Variants in KCNMB2 observed in about 807,000 individuals in gnomAD.
KCNMB2 encodes calcium-activated potassium channel subunit beta-2.
A neutral mutation model predicts 24.5 loss-of-function variants in KCNMB2; 9 were observed. That is an observed-to-expected ratio of 0.37 (90% confidence interval 0.22 to 0.64). The LOEUF (loss-of-function observed/expected upper bound fraction) is 0.64, where lower values mean the gene tolerates loss of function less well. Ranked by LOEUF, KCNMB2 falls within the 30% of genes least tolerant of loss-of-function variation. KCNMB2 has a pLI of 0.63. For missense variants in KCNMB2, 226 were observed against 284.3 expected (o/e 0.79, Z 1.47); for synonymous variants, 109 against 104.4 (o/e 1.04, Z -0.27).
chr3:178,825,050 C>A (rs1483814245), intron 2 of KCNMB2, among the ~76,000 whole-genome samples: 3 of 152,206 alleles, frequency 2.0e-5, no homozygotes, highest in East Asian at 1.9e-4. Flanking sequence ...CTCAAGCCAA[C>A]AAAGCCCTAA....
intron 1 of KCNMB2, among the ~76,000 whole-genome samples, chr3:178,560,579 C>T (rs1374004742): frequency 2.0e-5 from 3 of 152,228 alleles, no homozygotes; most frequent in Non-Finnish European, 4.4e-5. Flanking sequence ...AGTAGTCAGC[C>T]AATCAATGAA....
intron 1 of KCNMB2, among the ~76,000 whole-genome samples, chr3:178,806,295 G>A (rs985366372): frequency 6.6e-5 from 10 of 152,170 alleles, no homozygotes; most frequent in Non-Finnish European, 1.3e-4. Context: ...CCACCTTGCA[G>A]AGTTTTCATT....
At chr3:178,746,288 T>A (rs1056312646) in intron 1 of KCNMB2, among the ~76,000 whole-genome samples, 41 of 152,190 alleles carry the variant, frequency 2.7e-4, no homozygotes, top group African/African-American at 9.9e-4. Context: ...GCTTGAGGCT[T>A]GCACCCTCTG....
chr3:178,840,448 C>G (rs1395231027), intron 4 of KCNMB2, among the ~76,000 whole-genome samples: 2 of 152,218 alleles, frequency 1.3e-5, no homozygotes, highest in Non-Finnish European at 2.9e-5. Flanking sequence ...AGTGGGGATT[C>G]TGTGTGGGAA....
chr3:178,819,587 C>G (rs1714547382), intron 2 of KCNMB2, among the ~76,000 whole-genome samples: 2 of 152,066 alleles, frequency 1.3e-5, no homozygotes. Flanking sequence ...GTGTGTCCCC[C>G]TCTCTAGGTC....
chr3:178,797,812 G>A (rs1276890373), intron 1 of KCNMB2, among the ~76,000 whole-genome samples: 3 of 152,150 alleles, frequency 2.0e-5, no homozygotes, highest in East Asian at 3.8e-4. Flanking sequence ...TGATTTCCTT[G>A]AGCAGTGGTT....
chr3:178,774,135 G>A (rs1033235301), intron 1 of KCNMB2, among the ~76,000 whole-genome samples: 1 of 152,036 alleles, frequency 6.6e-6, no homozygotes, highest in Non-Finnish European at 1.5e-5. Context: ...CTAAGCCCAC[G>A]AACATGGGCT....
At chr3:178,656,445 A>G (rs1720346510) in intron 1 of KCNMB2, among the ~76,000 whole-genome samples, 1 of 152,186 alleles carries the variant, frequency 6.6e-6, no homozygotes, top group African/African-American at 2.4e-5. Flanking sequence ...GTAATAGCAA[A>G]GGTAACAGGG....
At chr3:178,805,283 A>G (rs1220979496) in intron 1 of KCNMB2, among the ~76,000 whole-genome samples, 6 of 152,240 alleles carry the variant, frequency 3.9e-5, no homozygotes, top group Non-Finnish European at 5.9e-5. Flanking sequence ...AATCCCAGAA[A>G]GTAAATACAC....
intron 1 of KCNMB2, among the ~76,000 whole-genome samples, chr3:178,687,091 A>G (rs1560166762): frequency 1.3e-5 from 2 of 152,154 alleles, no homozygotes; most frequent in African/African-American, 4.8e-5. Flanking sequence ...AGGGGTGGCT[A>G]AGGATAACAA....
At chr3:178,660,936 C>T (rs1720503124) in intron 1 of KCNMB2, among the ~76,000 whole-genome samples, 1 of 151,926 alleles carries the variant, frequency 6.6e-6, no homozygotes, top group African/African-American at 2.4e-5. Flanking sequence ...CATTATATTG[C>T]CCCTTCATGA....
intron 1 of KCNMB2, among the ~76,000 whole-genome samples, chr3:178,614,992 C>T (rs987100482): frequency 3.9e-5 from 6 of 152,180 alleles, no homozygotes; most frequent in East Asian, 1.9e-4. Flanking sequence ...CACCACAAGA[C>T]GAGTAATGCT....
chr3:178,670,026 A>G (rs543636477), intron 1 of KCNMB2, among the ~76,000 whole-genome samples: 158 of 152,206 alleles, frequency 1.0e-3, no homozygotes, highest in Middle Eastern at 6.8e-3. Flanking sequence ...ATATTGATTG[A>G]TTTGCGAGAA....
chr3:178,576,176 TG>T (rs1716981548), intron 1 of KCNMB2, among the ~76,000 whole-genome samples: 1 of 151,518 alleles, frequency 6.6e-6, no homozygotes, highest in South Asian at 2.1e-4. Context: ...GGTTAGATAG[TG>T]GGTGCAGCCC....
At chr3:178,559,657 C>A in intron 1 of KCNMB2, among the ~76,000 whole-genome samples, 1 of 146,164 alleles carries the variant, frequency 6.8e-6, no homozygotes, top group Non-Finnish European at 1.5e-5. Flanking sequence ...TATTATTTTC[C>A]AGGACCCTTT....
At chr3:178,796,463 T>C (rs1577195357) in intron 1 of KCNMB2, among the ~76,000 whole-genome samples, 1 of 152,308 alleles carries the variant, frequency 6.6e-6, no homozygotes, top group Non-Finnish European at 1.5e-5. Context: ...ATTCTTCTCC[T>C]CGGCACATGC....
At chr3:178,582,541 C>T (rs1717254862) in intron 1 of KCNMB2, among the ~76,000 whole-genome samples, 1 of 152,012 alleles carries the variant, frequency 6.6e-6, no homozygotes, top group South Asian at 2.1e-4. Context: ...AGGAGCATAA[C>T]AAATATTTTA....
chr3:178,835,656 C>T (rs950591287), intron 4 of KCNMB2, among the ~76,000 whole-genome samples: 1 of 151,718 alleles, frequency 6.6e-6, no homozygotes, highest in African/African-American at 2.4e-5. Context: ...GTTCCATTGA[C>T]TTTGGAACTA....
chr3:178,718,177 A>G (rs1472438874), intron 1 of KCNMB2, among the ~76,000 whole-genome samples: 1 of 152,236 alleles, frequency 6.6e-6, no homozygotes, highest in Non-Finnish European at 1.5e-5. Flanking sequence ...CTGTGATAGA[A>G]GTAGATCAGA....
Sources: gnomAD v4.1 joint callset for allele counts (sites outside exome capture counted in the v4.1 genomes callset) on GRCh38, gnomAD v4.1.1 for gene constraint, MANE v1.5 for transcripts, NCBI Gene and HGNC (gene_info 2026-07-23, HGNC 2026-07-21) for gene names.